Variants in NT5DC1 observed in about 807,000 individuals in gnomAD.
NT5DC1 encodes 5'-nucleotidase domain containing 1.
NT5DC1 carries 42 observed loss-of-function variants against 59.4 expected under a neutral mutation model. The ratio of observed to expected loss-of-function variants is 0.71; its 90% CI spans 0.55 to 0.92. NT5DC1 has a LOEUF of 0.92. Ranked by LOEUF, NT5DC1 falls within the 40% of genes least tolerant of loss-of-function variation. The pLI is 0.00. For synonymous variants in NT5DC1, 172 were observed against 188.1 expected, an observed-to-expected ratio of 0.91 and a Z score of 0.70; for missense variants, 501 against 537.1, an observed-to-expected ratio of 0.93 and a Z score of 0.66.
chr6:116,192,690 T>C (rs1781145621), intron 6 of NT5DC1, among the ~76,000 whole-genome samples: 1 of 152,120 alleles, frequency 6.6e-6, no homozygotes, highest in Non-Finnish European at 1.5e-5. Flanking sequence ...TTTTGCCTTA[T>C]ACCTGTATAG....
chr6:116,156,108 A>G (rs1780186461), intron 6 of NT5DC1, among the ~76,000 whole-genome samples: 1 of 152,180 alleles, frequency 6.6e-6, no homozygotes, highest in Non-Finnish European at 1.5e-5. Context: ...TGTAAAGGTC[A>G]ATAATACATA....
At chr6:116,203,099 T>C (rs1005951604) in intron 6 of NT5DC1, among the ~76,000 whole-genome samples, 7 of 152,152 alleles carry the variant, frequency 4.6e-5, no homozygotes, top group African/African-American at 1.4e-4. Flanking sequence ...AGTGAAGTTA[T>C]ATAAAATGTC....
intron 6 of NT5DC1, among the ~76,000 whole-genome samples, chr6:116,197,404 G>A (rs1294054211): frequency 1.3e-5 from 2 of 151,936 alleles, no homozygotes; most frequent in Non-Finnish European, 2.9e-5. Context: ...GATTTAAAAT[G>A]CTAAGCAGAA....
At chr6:116,105,190 C>T (rs1408644659) in intron 1 of NT5DC1, among the ~76,000 whole-genome samples, 3 of 152,244 alleles carry the variant, frequency 2.0e-5, no homozygotes, top group Non-Finnish European at 4.4e-5. Flanking sequence ...ACTCAGACCC[C>T]GACACCCCTA....
rs752851893 is a variant in NT5DC1 at position 116,210,110 on chromosome 6, ATATAAT to A, written c.530-10941_530-10936del. ...TTTCTAAGGCTCCTTTTAATTCTAGATATAATTAGAATGCATATTGATGGATACTTT... is the reference window on the plus strand; with the variant it reads ...TTTCTAAGGCTCCTTTTAATTCTAGATAGAATGCATATTGATGGATACTTT... On this transcript the variant is annotated intron_variant, in intron 6 of 11. Coordinates refer to ENST00000319550, the MANE Select transcript of NT5DC1 (RefSeq NM_152729.3). 1.3e-3 allele frequency among the ~76,000 whole-genome samples: 203 copies of A among 152,102 alleles called. 1 individual carries two copies. The highest frequency in any genetic ancestry group is 2.2e-3 in the Non-Finnish European group (150 of 67,944).
At chr6:116,213,136 A>G (rs1781613424) in intron 6 of NT5DC1, among the ~76,000 whole-genome samples, 1 of 152,100 alleles carries the variant, frequency 6.6e-6, no homozygotes, top group African/African-American at 2.4e-5. Flanking sequence ...AAAACTCAGT[A>G]TCATGTCACT....
At position 116,163,537 on chromosome 6, in the gene NT5DC1, C is replaced by T. The variant is rs991571419; in HGVS notation, c.529+45592C>T. Among the ~76,000 whole-genome samples, 4 of 151,850 alleles carry T rather than the reference C, an allele frequency of 2.6e-5. No homozygotes were observed. The East Asian group carries it at 7.7e-4, about 29-fold the overall frequency. On this transcript the variant is annotated intron_variant, in intron 6 of 11. Transcript: ENST00000319550. ...TTTCTTGTTTAATCTAGTTAGTAGT[C>T]TATCAATTTTTGTTTATCTTCTTAA...
intron 6 of NT5DC1, chr6:116,120,703 A>C (rs1161309617): frequency 6.4e-7 from 1 of 1,556,982 alleles, no homozygotes; most frequent in Non-Finnish European, 8.6e-7. Flanking sequence ...GAGGACCGGG[A>C]CTTCCTGGAT....
chr6:116,118,252 A>G (rs1312681125), intron 6 of NT5DC1, among the ~76,000 whole-genome samples: 1 of 152,132 alleles, frequency 6.6e-6, no homozygotes, highest in African/African-American at 2.4e-5. Flanking sequence ...CCTGGGCATA[A>G]GGGTTGGTGA....
In NT5DC1 at chr6:116,120,375, G is replaced by A. The variant is rs1161571454; in HGVS notation, c.529+2430G>A. 1.9e-6 allele frequency: 3 copies of A among 1,614,206 alleles called. No individual in the cohort carries two copies. The South Asian group carries it at 3.3e-5, about 18-fold the overall frequency. On this transcript the variant is annotated intron_variant, in intron 6 of 11. Transcript: ENST00000319550. The stretch of plus-strand genomic sequence containing the variant: ...AAGATTCCAGTCCTTGGGTCATAAT[G>A]CTGTTGCCTGTTATACAAAATTTTA...
chr6:116,239,799 T>G (rs1394645417), intron 11 of NT5DC1, among the ~76,000 whole-genome samples: 2 of 152,090 alleles, frequency 1.3e-5, no homozygotes, highest in African/African-American at 4.8e-5. Context: ...CATATAAAAT[T>G]CAGTGCATAA....
intron 6 of NT5DC1, among the ~76,000 whole-genome samples, chr6:116,207,240 A>G (rs1448601763): frequency 6.6e-6 from 1 of 152,000 alleles, no homozygotes; most frequent in African/African-American, 2.4e-5. Flanking sequence ...AATGGATCAT[A>G]TGTCTTAAGA....
intron 6 of NT5DC1, among the ~76,000 whole-genome samples, chr6:116,191,583 T>A (rs1781117764): frequency 6.6e-6 from 1 of 152,058 alleles, no homozygotes. Flanking sequence ...ACATCTTTTC[T>A]CCTCAAGGTA....
intron 1 of NT5DC1, among the ~76,000 whole-genome samples, chr6:116,104,205 C>G (rs1778719916): frequency 6.6e-6 from 1 of 152,152 alleles, no homozygotes; most frequent in Admixed American, 6.5e-5. Flanking sequence ...AGTACAGATG[C>G]CCCTGCTTTT....
intron 6 of NT5DC1, among the ~76,000 whole-genome samples, chr6:116,167,647 C>G (rs1013991730): frequency 1.3e-5 from 2 of 152,050 alleles, no homozygotes; most frequent in African/African-American, 4.8e-5. Context: ...CCCTTCTACC[C>G]TTCGTTAGTT....
chr6:116,107,719 C>T (rs1778792291), intron 2 of NT5DC1, among the ~76,000 whole-genome samples: 2 of 151,668 alleles, frequency 1.3e-5, no homozygotes, highest in African/African-American at 2.4e-5. Context: ...ACTACAGGCG[C>T]CCGCCACTAC....
rs530747533 is a variant in NT5DC1, at chr6:116,245,369, C to T, written c.*1345C>T. On this transcript the variant is annotated 3_prime_UTR_variant, in exon 12 of 12. Coordinates refer to ENST00000319550, the MANE Select transcript of NT5DC1 (RefSeq NM_152729.3). ...AAGTGCAGAATTTGGCATATCGATGCATGCAATGGAAAGAAAAAAAATTTG... is the reference window on the plus strand; with the variant it reads ...AAGTGCAGAATTTGGCATATCGATGTATGCAATGGAAAGAAAAAAAATTTG... The T allele has an allele frequency of 3.5e-4, 53 of 152,522 alleles. No individual in the cohort carries two copies. Among genetic ancestry groups the T allele is most frequent in the South Asian group, 6.2e-4 (3 of 4,828 alleles). 9.4% of individuals were successfully genotyped at this position (152,522 alleles called of 1,614,324 possible).
intron 6 of NT5DC1, among the ~76,000 whole-genome samples, chr6:116,171,445 G>A (rs550229770): frequency 2.0e-5 from 3 of 152,286 alleles, no homozygotes; most frequent in East Asian, 3.9e-4. Flanking sequence ...GGCTGTGCAA[G>A]TGTTAGTGGT....
At position 116,120,590 on chromosome 6, in the gene NT5DC1, G is replaced by C. The variant is rs1298063802; in HGVS notation, c.529+2645G>C. 1 of 1,587,592 alleles carries C rather than the reference G, an allele frequency of 6.3e-7. No individual in the cohort carries two copies. Among genetic ancestry groups the C allele is most frequent in the Admixed American group, 1.8e-5 (1 of 54,712 alleles). The stretch of plus-strand genomic sequence containing the variant: ...ACCTGGTGGGCCTGGAGGCCCAGGG[G>C]GCCCTGGAAGACCAGGCTCTCCAGA... On this transcript the variant is annotated intron_variant, in intron 6 of 11. Coordinates refer to ENST00000319550, the MANE Select transcript of NT5DC1 (RefSeq NM_152729.3).
Sources: allele counts gnomAD v4.1 joint callset (sites outside exome capture counted in the v4.1 genomes callset), GRCh38; gene constraint gnomAD v4.1.1; transcripts MANE v1.5; gene names NCBI Gene and HGNC (gene_info 2026-07-23, HGNC 2026-07-21).